The following PCDH9 variants were observed in gnomAD, a reference collection of about 807,000 sequenced individuals.
The protein encoded by PCDH9 is protocadherin-9.
A neutral mutation model predicts 70.6 loss-of-function variants in PCDH9; 24 were observed. The observed-to-expected ratio is 0.34, with a 90% CI of 0.25 to 0.48. The LOEUF (loss-of-function observed/expected upper bound fraction) is 0.48, where lower values mean the gene tolerates loss of function less well. PCDH9 is among the 20% of genes least tolerant of loss of function. The pLI is 0.99. For synonymous variants in PCDH9, 562 were observed against 558.5 expected, an observed-to-expected ratio of 1.01 and a Z score of -0.09; for missense variants, 1,281 against 1,503.6, an observed-to-expected ratio of 0.85 and a Z score of 2.45.
At chr13:66,645,797 T>A (rs2077763408) in intron 3 of PCDH9, among the ~76,000 whole-genome samples, 1 of 152,086 alleles carries the variant, frequency 6.6e-6, no homozygotes, top group Non-Finnish European at 1.5e-5. Flanking sequence ...ATTCATAATG[T>A]TTATAAAGTA....
At chr13:66,948,995 C>T (rs953010955) in intron 2 of PCDH9, among the ~76,000 whole-genome samples, 1 of 151,918 alleles carries the variant, frequency 6.6e-6, no homozygotes, top group African/African-American at 2.4e-5. Flanking sequence ...CATGCTAAAT[C>T]AGTGCTTAAA....
At chr13:67,062,989 C>T (rs991283931) in intron 2 of PCDH9, among the ~76,000 whole-genome samples, 9 of 152,062 alleles carry the variant, frequency 5.9e-5, no homozygotes, top group African/African-American at 1.7e-4. Context: ...TATTAGTACT[C>T]TATATTTACT....
chr13:66,640,613 G>A (rs1419037506), intron 3 of PCDH9, among the ~76,000 whole-genome samples: 2 of 151,888 alleles, frequency 1.3e-5, no homozygotes, highest in Non-Finnish European at 2.9e-5. Flanking sequence ...GGAAAAGATT[G>A]TAATTACCTA....
intron 4 of PCDH9, among the ~76,000 whole-genome samples, chr13:66,472,338 G>A (rs1958636024): frequency 6.6e-6 from 1 of 152,034 alleles, no homozygotes. Context: ...GGGAGGCTGA[G>A]GTGGGTGGAT....
At chr13:66,581,730 T>A (rs1362374511) in intron 4 of PCDH9, among the ~76,000 whole-genome samples, 1 of 152,166 alleles carries the variant, frequency 6.6e-6, no homozygotes, top group Non-Finnish European at 1.5e-5. Context: ...GTGTGCCAGG[T>A]GCTGCTGTAA....
intron 3 of PCDH9, among the ~76,000 whole-genome samples, chr13:66,775,971 C>T (rs2079885812): frequency 6.6e-6 from 1 of 152,154 alleles, no homozygotes; most frequent in Admixed American, 6.5e-5. Flanking sequence ...TTTCCATCCA[C>T]CATGTTGGAG....
intron 4 of PCDH9, among the ~76,000 whole-genome samples, chr13:66,472,503 A>G (rs1958640497): frequency 6.6e-6 from 1 of 151,636 alleles, no homozygotes; most frequent in Non-Finnish European, 1.5e-5. Flanking sequence ...AGGGAAGTCA[A>G]GGTTCACAGT....
chr13:66,509,945 A>C (rs1430415225), intron 4 of PCDH9, among the ~76,000 whole-genome samples: 3 of 152,220 alleles, frequency 2.0e-5, no homozygotes, highest in Non-Finnish European at 4.4e-5. Context: ...TATATCATAG[A>C]CTAGAATTTG....
At chr13:67,146,372 G>C (rs909202441) in intron 2 of PCDH9, among the ~76,000 whole-genome samples, 4 of 152,086 alleles carry the variant, frequency 2.6e-5, no homozygotes, top group Admixed American at 2.6e-4. Context: ...GTGATGATTT[G>C]TACAATGAAG....
intron 4 of PCDH9, among the ~76,000 whole-genome samples, chr13:66,497,814 CTTTTTT>C (rs763360211): frequency 5.4e-5 from 6 of 111,334 alleles, no homozygotes; most frequent in Non-Finnish European, 1.1e-4. Flanking sequence ...CACACTCTTA[CTTTTTT>C]TTTTTTTTTT....
At chr13:66,935,758 A>G (rs953230919) in intron 2 of PCDH9, among the ~76,000 whole-genome samples, 1 of 152,162 alleles carries the variant, frequency 6.6e-6, no homozygotes, top group Non-Finnish European at 1.5e-5. Flanking sequence ...AGTTAGTTAC[A>G]GAACAACCCT....
Position 66,482,324 on chromosome 13 carries a change from G to T in PCDH9, c.3340+148886C>A, listed in dbSNP as rs940078259. Among the ~76,000 whole-genome samples, 7 of 152,188 alleles carry T rather than the reference G, an allele frequency of 4.6e-5. No homozygotes were observed. The East Asian group carries it at 1.4e-3, about 29-fold the overall frequency. On this transcript the variant is annotated intron_variant, in intron 4 of 4. Coordinates refer to ENST00000377865, the MANE Select transcript of PCDH9 (RefSeq NM_203487.3). ...ACGTTTGTCATTTCCGTCTCCCAAT[G>T]TGGCTACTGCAGTTCCAGGAATAAC...
intron 3 of PCDH9, among the ~76,000 whole-genome samples, chr13:66,791,440 A>C (rs2080162251): frequency 6.6e-6 from 1 of 152,116 alleles, no homozygotes; most frequent in Admixed American, 6.6e-5. Context: ...GACAAACTGC[A>C]GGACTATAAA....
intron 2 of PCDH9, among the ~76,000 whole-genome samples, chr13:67,153,324 C>T (rs1473529457): frequency 2.0e-5 from 3 of 151,998 alleles, no homozygotes; most frequent in Non-Finnish European, 2.9e-5. Flanking sequence ...TGTGCCACTG[C>T]ACTTGGCTGA....
intron 2 of PCDH9, among the ~76,000 whole-genome samples, chr13:67,199,609 G>T (rs1227623069): frequency 6.6e-6 from 1 of 151,808 alleles, no homozygotes; most frequent in Non-Finnish European, 1.5e-5. Context: ...AAATATTAAA[G>T]GATAAAGGAA....
intron 2 of PCDH9, among the ~76,000 whole-genome samples, chr13:67,189,540 A>G (rs1456564753): frequency 6.6e-6 from 1 of 152,096 alleles, no homozygotes; most frequent in African/African-American, 2.4e-5. Flanking sequence ...CATAGTAAAT[A>G]TAGGCAACAA....
At chr13:66,905,657 A>G (rs1259021104) in intron 2 of PCDH9, among the ~76,000 whole-genome samples, 2 of 151,966 alleles carry the variant, frequency 1.3e-5, no homozygotes, top group Non-Finnish European at 2.9e-5. Flanking sequence ...TTAACCCATC[A>G]TATTGTTTTT....
intron 4 of PCDH9, among the ~76,000 whole-genome samples, chr13:66,534,689 AT>A (rs1960614851): frequency 6.6e-6 from 1 of 151,988 alleles, no homozygotes; most frequent in Admixed American, 6.6e-5. Context: ...TCTTACACAT[AT>A]TTTTCTTTAA....
intron 3 of PCDH9, among the ~76,000 whole-genome samples, chr13:66,742,553 G>A (rs1423867613): frequency 1.4e-5 from 2 of 147,190 alleles, no homozygotes; most frequent in Non-Finnish European, 3.0e-5. Context: ...AGAGTGAACA[G>A]GTAACCTACA....
Sources: allele counts gnomAD v4.1 joint callset (sites outside exome capture counted in the v4.1 genomes callset), GRCh38; gene constraint gnomAD v4.1.1; transcripts MANE v1.5; gene names NCBI Gene and HGNC (gene_info 2026-07-23, HGNC 2026-07-21).